FBXL7: variants seen among roughly 807,000 people sequenced by gnomAD.
The protein encoded by FBXL7 is F-box/LRR-repeat protein 7.
A neutral mutation model predicts 38.3 loss-of-function variants in FBXL7; 12 were observed. The observed-to-expected ratio is 0.31, with a 90% CI of 0.20 to 0.51. The LOEUF (loss-of-function observed/expected upper bound fraction) is 0.51. Among genes scored for constraint, FBXL7 ranks in the 20% least tolerant of loss-of-function variants. The probability of loss-of-function intolerance (pLI) is 0.98; values close to 1 mark genes in which losing one functional copy is unlikely to be tolerated. For missense variants in FBXL7, 567 were observed against 676.4 expected, an observed-to-expected ratio of 0.84 and a Z score of 1.79; for synonymous variants, 297 against 300.9, an observed-to-expected ratio of 0.99 and a Z score of 0.13.
At chr5:15,736,093 G>A (rs1464584625) in intron 2 of FBXL7, among the ~76,000 whole-genome samples, 5 of 152,164 alleles carry the variant, frequency 3.3e-5, no homozygotes, top group Admixed American at 6.5e-5. Context: ...GGTGTTTCAT[G>A]TAAAGAAAAG....
At chr5:15,565,137 C>T (rs1213446759) in intron 1 of FBXL7, among the ~76,000 whole-genome samples, 4 of 151,972 alleles carry the variant, frequency 2.6e-5, no homozygotes, top group Non-Finnish European at 5.9e-5. Context: ...CAGTTGGCTG[C>T]ATTTTCCTGT....
chr5:15,585,038 T>C (rs1739262214), intron 1 of FBXL7, among the ~76,000 whole-genome samples: 1 of 152,214 alleles, frequency 6.6e-6, no homozygotes, highest in African/African-American at 2.4e-5. Context: ...GTACTGCAAA[T>C]AATTTATGAT....
At chr5:15,709,467 G>A (rs1167389826) in intron 2 of FBXL7, among the ~76,000 whole-genome samples, 1 of 151,420 alleles carries the variant, frequency 6.6e-6, no homozygotes, top group African/African-American at 2.4e-5. Flanking sequence ...CCGGGAGGTA[G>A]AGGTTGCAGT....
chr5:15,846,284 GT>G (rs1426667751), intron 2 of FBXL7, among the ~76,000 whole-genome samples: 1 of 152,106 alleles, frequency 6.6e-6, no homozygotes, highest in Non-Finnish European at 1.5e-5. Context: ...ATACATGTCA[GT>G]TTTTTAACAA....
chr5:15,912,732 C>T (rs917124468), intron 2 of FBXL7, among the ~76,000 whole-genome samples: 1 of 152,052 alleles, frequency 6.6e-6, no homozygotes, highest in Non-Finnish European at 1.5e-5. Context: ...TGTTACTCCA[C>T]CATAAAAGTC....
At chr5:15,797,151 T>A (rs1737436937) in intron 2 of FBXL7, among the ~76,000 whole-genome samples, 1 of 152,138 alleles carries the variant, frequency 6.6e-6, no homozygotes, top group African/African-American at 2.4e-5. Context: ...TTGAAAGTGA[T>A]TCAGTTTTGC....
chr5:15,852,311 G>A (rs892429855), intron 2 of FBXL7, among the ~76,000 whole-genome samples: 6 of 152,132 alleles, frequency 3.9e-5, no homozygotes, highest in East Asian at 3.9e-4. Context: ...TTTTAACCAC[G>A]CAGAGAAGGA....
intron 2 of FBXL7, among the ~76,000 whole-genome samples, chr5:15,783,637 CA>C (rs1737058142): frequency 6.6e-6 from 1 of 152,130 alleles, no homozygotes; most frequent in African/African-American, 2.4e-5. Context: ...CCCTGAGGTT[CA>C]GGGGATACCC....
At chr5:15,801,673 GTGTGTT>G (rs1391988418) in intron 2 of FBXL7, among the ~76,000 whole-genome samples, 37 of 151,504 alleles carry the variant, frequency 2.4e-4, no homozygotes, top group African/African-American at 8.5e-4. Flanking sequence ...GCGCGTGTGT[GTGTGTT>G]TGTGTGTGTG....
At chr5:15,519,732 G>T (rs540136260) in intron 1 of FBXL7, among the ~76,000 whole-genome samples, 1 of 152,330 alleles carries the variant, frequency 6.6e-6, no homozygotes, top group South Asian at 2.1e-4. Flanking sequence ...AGAAGGAGGA[G>T]AAATAGTGTA....
intron 1 of FBXL7, among the ~76,000 whole-genome samples, chr5:15,596,808 T>G (rs1160648724): frequency 6.6e-6 from 1 of 152,192 alleles, no homozygotes; most frequent in Non-Finnish European, 1.5e-5. Flanking sequence ...GAAAGCTGAA[T>G]GCATGGAACT....
chr5:15,693,869 T>A (rs1284615811), intron 2 of FBXL7, among the ~76,000 whole-genome samples: 1 of 152,206 alleles, frequency 6.6e-6, no homozygotes, highest in Non-Finnish European at 1.5e-5. Context: ...ATCCATCTGC[T>A]GAGTGCTACT....
At chr5:15,906,167 C>A (rs1268482569) in intron 2 of FBXL7, among the ~76,000 whole-genome samples, 1 of 151,732 alleles carries the variant, frequency 6.6e-6, no homozygotes, top group African/African-American at 2.4e-5. Context: ...GTTCCAAACC[C>A]AGGCATTTTT....
intron 2 of FBXL7, among the ~76,000 whole-genome samples, chr5:15,761,652 T>C (rs963682174): frequency 6.6e-6 from 1 of 152,184 alleles, no homozygotes; most frequent in African/African-American, 2.4e-5. Flanking sequence ...CAGGTGATTC[T>C]CCCACCTCAG....
intron 1 of FBXL7, among the ~76,000 whole-genome samples, chr5:15,588,029 C>G (rs1214601473): frequency 6.6e-6 from 1 of 152,122 alleles, no homozygotes; most frequent in Admixed American, 6.5e-5. Flanking sequence ...CAGGTTGAAA[C>G]TCAGCCACCC....
intron 2 of FBXL7, among the ~76,000 whole-genome samples, chr5:15,738,873 C>T (rs1735824734): frequency 6.6e-6 from 1 of 152,190 alleles, no homozygotes; most frequent in African/African-American, 2.4e-5. Flanking sequence ...TTGAGGAAAA[C>T]CAAAGTGTGA....
intron 2 of FBXL7, among the ~76,000 whole-genome samples, chr5:15,762,697 T>G (rs2126700221): frequency 6.6e-6 from 1 of 152,288 alleles, no homozygotes; most frequent in Middle Eastern, 3.4e-3. Flanking sequence ...AACAGCGTAC[T>G]GCTGAGAGAA....
At chr5:15,666,444 AG>A (rs777465390) in intron 2 of FBXL7, among the ~76,000 whole-genome samples, 15 of 152,196 alleles carry the variant, frequency 9.9e-5, no homozygotes, top group Non-Finnish European at 1.5e-5. Flanking sequence ...AAATGGTGTC[AG>A]CTGTACATAG....
intron 2 of FBXL7, among the ~76,000 whole-genome samples, chr5:15,629,990 C>T (rs1015612116): frequency 4.6e-5 from 7 of 152,142 alleles, no homozygotes; most frequent in African/African-American, 1.7e-4. Flanking sequence ...GTTATTTACT[C>T]TTAGTTGTCT....
Sources: gnomAD v4.1 joint callset for allele counts (sites outside exome capture counted in the v4.1 genomes callset) on GRCh38, gnomAD v4.1.1 for gene constraint, MANE v1.5 for transcripts, NCBI Gene and HGNC (gene_info 2026-07-23, HGNC 2026-07-21) for gene names.